The following TAFA1 variants were observed in gnomAD, a reference collection of about 807,000 sequenced individuals.
TAFA1 encodes TAFA chemokine like family member 1.
TAFA1 carries 4 observed loss-of-function variants against 18.5 expected under a neutral mutation model. That is an observed-to-expected ratio of 0.22 (90% CI 0.11 to 0.49). The LOEUF is 0.49. Ranked by LOEUF, TAFA1 falls within the 20% of genes least tolerant of loss-of-function variation. The pLI, the probability that TAFA1 is intolerant of heterozygous loss-of-function variation, is 0.98. For missense variants in TAFA1, 147 were observed against 169.0 expected (o/e 0.87, Z 0.72); for synonymous variants, 56 against 55.2 (o/e 1.01, Z -0.06).
intron 2 of TAFA1, among the ~76,000 whole-genome samples, chr3:68,404,415 G>A (rs2070556685): frequency 6.6e-6 from 1 of 152,152 alleles, no homozygotes; most frequent in African/African-American, 2.4e-5. Flanking sequence ...ACATTTAACA[G>A]TTTATTTAGG....
At chr3:68,541,169 G>T (rs2073367331) in intron 4 of TAFA1, among the ~76,000 whole-genome samples, 1 of 152,204 alleles carries the variant, frequency 6.6e-6, no homozygotes, top group Non-Finnish European at 1.5e-5. Flanking sequence ...TCTCAAGTCT[G>T]TCCTTAGAAA....
At chr3:68,188,229 C>G (rs1310020401) in intron 2 of TAFA1, among the ~76,000 whole-genome samples, 1 of 151,804 alleles carries the variant, frequency 6.6e-6, no homozygotes, top group East Asian at 1.9e-4. Context: ...TTAGAGAACA[C>G]TAAATTCCAT....
intron 2 of TAFA1, among the ~76,000 whole-genome samples, chr3:68,174,309 T>A (rs892730045): frequency 6.6e-6 from 1 of 152,132 alleles, no homozygotes; most frequent in Non-Finnish European, 1.5e-5. Flanking sequence ...GAGTCCCACA[T>A]GTTGTAGGAG....
At chr3:68,362,384 G>A (rs944167492) in intron 2 of TAFA1, among the ~76,000 whole-genome samples, 1 of 152,090 alleles carries the variant, frequency 6.6e-6, no homozygotes, top group Non-Finnish European at 1.5e-5. Flanking sequence ...GCTGGGCTTT[G>A]AATGATAACA....
the TAFA1 span, among the ~76,000 whole-genome samples, chr3:67,991,835 T>A: frequency 1.1e-3 from 171 of 152,328 alleles, no homozygotes; most frequent in African/African-American, 4.0e-3. Context: ...AATCTCCTCA[T>A]ATGTCTATCT....
intron 2 of TAFA1, among the ~76,000 whole-genome samples, chr3:68,260,373 C>A (rs1234381250): frequency 6.6e-6 from 1 of 152,052 alleles, no homozygotes; most frequent in African/African-American, 2.4e-5. Context: ...CATCAATGTT[C>A]ATCAAGGATA....
chr3:68,053,111 T>C (rs892202333), intron 2 of TAFA1, among the ~76,000 whole-genome samples: 1 of 152,296 alleles, frequency 6.6e-6, no homozygotes, highest in Admixed American at 6.5e-5. Flanking sequence ...TCATCCAGCA[T>C]TCTATAGCAG....
intron 2 of TAFA1, among the ~76,000 whole-genome samples, chr3:68,018,025 T>TA (rs774023457): frequency 6.6e-6 from 1 of 152,152 alleles, no homozygotes; most frequent in East Asian, 1.9e-4. Flanking sequence ...AGTAAAGACT[T>TA]AGAGACAGGT....
At chr3:68,490,082 G>A (rs2072422230) in intron 3 of TAFA1, among the ~76,000 whole-genome samples, 1 of 152,168 alleles carries the variant, frequency 6.6e-6, no homozygotes, top group Admixed American at 6.5e-5. Context: ...GCTTTCAAGT[G>A]AAAAATTCAA....
chr3:68,512,321 C>A (rs1397251), intron 3 of TAFA1, among the ~76,000 whole-genome samples: 123,042 of 152,136 alleles, frequency 0.81, 50,185 homozygotes, highest in African/African-American at 0.91. Context: ...ATTCACTTAA[C>A]AGTAGAAACT....
At chr3:68,343,342 G>A (rs903862832) in intron 2 of TAFA1, among the ~76,000 whole-genome samples, 4 of 152,122 alleles carry the variant, frequency 2.6e-5, no homozygotes, top group Non-Finnish European at 5.9e-5. Flanking sequence ...GATAGGACCG[G>A]TAGTTTACAT....
chr3:68,257,693 A>G (rs967867645), intron 2 of TAFA1, among the ~76,000 whole-genome samples: 1 of 152,148 alleles, frequency 6.6e-6, no homozygotes, highest in Non-Finnish European at 1.5e-5. Flanking sequence ...TACATCCTCT[A>G]AAAAGTGGCC....
chr3:68,483,996 A>G (rs1294217858), intron 3 of TAFA1, among the ~76,000 whole-genome samples: 1 of 152,226 alleles, frequency 6.6e-6, no homozygotes, highest in African/African-American at 2.4e-5. Flanking sequence ...AACACTGTCC[A>G]ATGACAATAC....
chr3:68,413,224 G>C (rs1032949457), intron 2 of TAFA1, among the ~76,000 whole-genome samples: 1 of 152,066 alleles, frequency 6.6e-6, no homozygotes, highest in African/African-American at 2.4e-5. Flanking sequence ...TGATGGGGTT[G>C]TTTGATTTTT....
At chr3:68,391,512 C>T (rs1374245761) in intron 2 of TAFA1, among the ~76,000 whole-genome samples, 1 of 152,110 alleles carries the variant, frequency 6.6e-6, no homozygotes, top group Non-Finnish European at 1.5e-5. Context: ...GCAGAGAACA[C>T]CACAAAGATA....
intron 3 of TAFA1, among the ~76,000 whole-genome samples, chr3:68,441,515 T>G (rs973915539): frequency 6.6e-6 from 1 of 152,208 alleles, no homozygotes; most frequent in Non-Finnish European, 1.5e-5. Context: ...CAACTCATCA[T>G]GCAACCTGAA....
intron 2 of TAFA1, among the ~76,000 whole-genome samples, chr3:68,226,053 C>G (rs1276760628): frequency 6.6e-6 from 1 of 152,282 alleles, no homozygotes; most frequent in Non-Finnish European, 1.5e-5. Context: ...AATTGAAATT[C>G]AGGTCCAATT....
rs115284478 is a variant in TAFA1 at position 68,514,242 on chromosome 3, A to G, written c.260-24514A>G. On this transcript the variant is annotated intron_variant, in intron 3 of 4. Transcript: ENST00000478136. The stretch of plus-strand genomic sequence containing the variant: ...GTCCATTGCAGAAGTATATTTGGAA[A>G]GATTAAAATGGCCTTTGAACTGAGA... 2.7e-3 allele frequency among the ~76,000 whole-genome samples: 408 copies of G among 152,338 alleles called. 4 individuals carry two copies. Among genetic ancestry groups the G allele is most frequent in the African/African-American group, 9.1e-3 (378 of 41,580 alleles).
intron 3 of TAFA1, among the ~76,000 whole-genome samples, chr3:68,473,630 T>C (rs1001309874): frequency 6.6e-6 from 1 of 152,182 alleles, no homozygotes; most frequent in African/African-American, 2.4e-5. Flanking sequence ...GTAGAATGAT[T>C]ACCTGAGATA....
Sources: gnomAD v4.1 joint callset for allele counts (sites outside exome capture counted in the v4.1 genomes callset) on GRCh38, gnomAD v4.1.1 for gene constraint, MANE v1.5 for transcripts, NCBI Gene and HGNC (gene_info 2026-07-23, HGNC 2026-07-21) for gene names.